The following EPHA6 variants were observed in gnomAD, a reference collection of about 807,000 sequenced individuals.
The protein encoded by EPHA6 is ephrin type-A receptor 6.
Under a neutral mutation model 112.0 loss-of-function variants are expected in EPHA6, and 50 were observed. The observed-to-expected ratio is 0.45, with a 90% CI of 0.36 to 0.56. The LOEUF (loss-of-function observed/expected upper bound fraction) is 0.56. EPHA6 is among the 20% of genes least tolerant of loss of function. EPHA6 has a pLI of 0.00. For missense variants in EPHA6, 1,280 were observed against 1,417.4 expected, an observed-to-expected ratio of 0.90 and a Z score of 1.56; for synonymous variants, 529 against 490.7, an observed-to-expected ratio of 1.08 and a Z score of -1.03.
At chr3:96,821,387 T>C (rs2107220119) in intron 1 of EPHA6, among the ~76,000 whole-genome samples, 1 of 152,072 alleles carries the variant, frequency 6.6e-6, no homozygotes, top group African/African-American at 2.4e-5. Flanking sequence ...ACTTTAGTGC[T>C]TTAGAATGTT....
At chr3:97,315,509 G>A (rs1214837933) in intron 5 of EPHA6, among the ~76,000 whole-genome samples, 2 of 151,702 alleles carry the variant, frequency 1.3e-5, no homozygotes, top group African/African-American at 4.8e-5. Context: ...TGTCTATGAA[G>A]AGAAAGGATG....
At chr3:97,568,044 T>G (rs1466799058) in intron 11 of EPHA6, among the ~76,000 whole-genome samples, 1 of 152,066 alleles carries the variant, frequency 6.6e-6, no homozygotes, top group East Asian at 1.9e-4. Context: ...GGGTGTATAA[T>G]CTAGGTAGAG....
Position 97,760,188 on chromosome 3 carries a change from A to G in EPHA6, c.*11487A>G, listed in dbSNP as rs1459050487. 5.5e-6 allele frequency: 1 copy of G among 181,280 alleles called. No individual in the cohort carries two copies. The highest frequency in any genetic ancestry group is 1.2e-5 in the Non-Finnish European group (1 of 85,010). 11.2% of individuals were successfully genotyped at this position (181,280 alleles called of 1,614,324 possible). On this transcript the variant is annotated 3_prime_UTR_variant, in exon 18 of 18. Transcript: ENST00000389672. ...GACAAACAGGAACTAATCTTTTAGT[A>G]AAAATTATTTTGTTTTCATATAGGA... is the stretch of plus-strand genomic sequence containing the variant.
rs550972182 is a variant in EPHA6, at chr3:97,617,143, A to T, written c.2574+6289A>T. ...GGCATTCAACATTGTTAAAGGAAAG[A>T]GATTCCAACCCAGAATTTCATATCC... On this transcript the variant is annotated intron_variant, in intron 13 of 17. Transcript: ENST00000389672. Among the ~76,000 whole-genome samples, 5 of 152,300 alleles carry T rather than the reference A, an allele frequency of 3.3e-5. No homozygotes were observed. In the East Asian group the frequency reaches 5.8e-4, roughly 18 times the overall value.
intron 3 of EPHA6, among the ~76,000 whole-genome samples, chr3:97,033,626 T>C (rs1261023102): frequency 6.6e-6 from 1 of 151,948 alleles, no homozygotes; most frequent in Admixed American, 6.6e-5. Context: ...AAATTGCACA[T>C]ATTCTTAACC....
chr3:97,255,143 GAT>G (rs1491266726), intron 5 of EPHA6, among the ~76,000 whole-genome samples: 2 of 95,750 alleles, frequency 2.1e-5, no homozygotes, highest in Non-Finnish European at 4.0e-5. Context: ...GTACATCTTG[GAT>G]GTGTGTGTGT....
At chr3:97,271,566 C>T (rs2079882265) in intron 5 of EPHA6, among the ~76,000 whole-genome samples, 1 of 152,178 alleles carries the variant, frequency 6.6e-6, no homozygotes, top group Admixed American at 6.5e-5. Context: ...GCATGTTGAT[C>T]AGGCTGGTCT....
At chr3:97,212,587 C>A (rs1310825042) in intron 3 of EPHA6, among the ~76,000 whole-genome samples, 3 of 152,198 alleles carry the variant, frequency 2.0e-5, no homozygotes, top group African/African-American at 7.2e-5. Context: ...TTGCTTGTCA[C>A]TACCCTCAGA....
intron 3 of EPHA6, among the ~76,000 whole-genome samples, chr3:97,209,333 G>T (rs139345755): frequency 7.2e-4 from 109 of 151,982 alleles, no homozygotes; most frequent in African/African-American, 2.6e-3. Flanking sequence ...ACACGTATTT[G>T]TATAATGAAA....
chr3:97,018,954 C>A (rs922117699), intron 3 of EPHA6, among the ~76,000 whole-genome samples: 4 of 152,206 alleles, frequency 2.6e-5, no homozygotes, highest in Admixed American at 1.3e-4. Flanking sequence ...GTAGCCCTGT[C>A]TGGGCATAAC....
At chr3:97,690,857 T>C (rs534760343) in intron 14 of EPHA6, among the ~76,000 whole-genome samples, 16 of 152,332 alleles carry the variant, frequency 1.1e-4, no homozygotes, top group African/African-American at 3.6e-4. Context: ...TCTTATCAGA[T>C]AGTATATGAT....
intron 1 of EPHA6, 64 bp from the exon 2 acceptor site, chr3:96,866,761 A>G (rs1189068201): frequency 3.6e-6 from 3 of 841,054 alleles, no homozygotes; most frequent in Admixed American, 3.3e-5. Context: ...TAACTTTAAT[A>G]ATTTAATATA....
At chr3:97,460,618 C>T (rs1036190383) in intron 7 of EPHA6, among the ~76,000 whole-genome samples, 1 of 152,200 alleles carries the variant, frequency 6.6e-6, no homozygotes, top group Non-Finnish European at 1.5e-5. Flanking sequence ...GTTGAAGGCT[C>T]ATAGCTGCAG....
chr3:97,348,858 T>C (rs1577054753), intron 5 of EPHA6, among the ~76,000 whole-genome samples: 1 of 152,010 alleles, frequency 6.6e-6, no homozygotes, highest in Non-Finnish European at 1.5e-5. Context: ...GGAGTAGTAA[T>C]CATGGAAGTG....
chr3:97,404,824 G>T (rs1329582319), intron 5 of EPHA6, among the ~76,000 whole-genome samples: 2 of 152,096 alleles, frequency 1.3e-5, no homozygotes, highest in East Asian at 3.9e-4. Context: ...CGAGCCAAGT[G>T]TATTGTATTT....
chr3:97,738,239 G>A (rs1390075074), intron 16 of EPHA6, among the ~76,000 whole-genome samples: 1 of 151,788 alleles, frequency 6.6e-6, no homozygotes, highest in Non-Finnish European at 1.5e-5. Flanking sequence ...GTTTTTATAT[G>A]AGTTATTGAG....
rs149333088 is a variant in EPHA6 at position 97,336,235 on chromosome 3, A to G, written c.1607-68915A>G. 5.0e-3 allele frequency among the ~76,000 whole-genome samples: 765 copies of G among 152,312 alleles called. 4 individuals are homozygous for G. The highest frequency in any genetic ancestry group is 0.017 in the African/African-American group (711 of 41,566). ...CTGTTATCAGCTTTGTTTCAAAGCT[A>G]CACTGTAAGCTAAGTTCCTCCCAAA... On this transcript the variant is annotated intron_variant, in intron 5 of 17. Coordinates refer to ENST00000389672, the MANE Select transcript of EPHA6 (RefSeq NM_001080448.3).
intron 3 of EPHA6, among the ~76,000 whole-genome samples, chr3:97,191,041 C>T (rs1027059490): frequency 2.0e-5 from 3 of 152,110 alleles, no homozygotes; most frequent in Non-Finnish European, 4.4e-5. Flanking sequence ...AGTCTCCTCG[C>T]TCCCTAGCCT....
At chr3:97,705,866 T>C (rs1306729158) in intron 14 of EPHA6, among the ~76,000 whole-genome samples, 4 of 152,184 alleles carry the variant, frequency 2.6e-5, no homozygotes, top group Non-Finnish European at 5.9e-5. Context: ...TATTTGTCGC[T>C]TCTTTCTACT....
Sources: allele counts gnomAD v4.1 joint callset (sites outside exome capture counted in the v4.1 genomes callset), GRCh38; gene constraint gnomAD v4.1.1; transcripts MANE v1.5; gene names NCBI Gene and HGNC (gene_info 2026-07-23, HGNC 2026-07-21).